PPP3CA: variants seen among roughly 807,000 people sequenced by gnomAD.
PPP3CA encodes the protein protein phosphatase 3 catalytic subunit alpha.
PPP3CA carries 14 observed loss-of-function variants against 66.5 expected under a neutral mutation model. The observed-to-expected ratio is 0.21, with a 90% CI of 0.14 to 0.33. PPP3CA has a LOEUF of 0.33. Ranked by LOEUF, PPP3CA falls within the 10% of genes least tolerant of loss-of-function variation. The pLI is 1.00. For missense variants in PPP3CA, 317 were observed against 639.5 expected, an observed-to-expected ratio of 0.50 and a Z score of 5.44; for synonymous variants, 232 against 226.2, an observed-to-expected ratio of 1.03 and a Z score of -0.23.
intron 6 of PPP3CA, among the ~76,000 whole-genome samples, chr4:101,090,510 C>T (rs1057466133): frequency 1.4e-4 from 21 of 151,466 alleles, no homozygotes; most frequent in African/African-American, 1.9e-4. Flanking sequence ...GGCATGGTGG[C>T]GCATGCCTGT....
intron 2 of PPP3CA, among the ~76,000 whole-genome samples, chr4:101,157,773 T>A (rs1051621381): frequency 6.6e-6 from 1 of 150,940 alleles, no homozygotes; most frequent in Admixed American, 6.6e-5. Context: ...TGAGGTACTC[T>A]AATTCCCTGA....
At chr4:101,329,451 T>C (rs1729310110) in intron 1 of PPP3CA, among the ~76,000 whole-genome samples, 1 of 152,106 alleles carries the variant, frequency 6.6e-6, no homozygotes, top group South Asian at 2.1e-4. Context: ...GCAGCAAATT[T>C]TAATGTAGAA....
chr4:101,291,092 A>G (rs1201279747), intron 1 of PPP3CA, among the ~76,000 whole-genome samples: 1 of 152,154 alleles, frequency 6.6e-6, no homozygotes, highest in Admixed American at 6.5e-5. Flanking sequence ...ACATTATTTG[A>G]TTGTCTGCTG....
At chr4:101,304,889 A>G (rs185454657) in intron 1 of PPP3CA, among the ~76,000 whole-genome samples, 7 of 150,848 alleles carry the variant, frequency 4.6e-5, no homozygotes, top group Admixed American at 2.6e-4. Context: ...ATACGAGACT[A>G]ACTAAACAGG....
At chr4:101,304,000 A>C (rs1728460245) in intron 1 of PPP3CA, among the ~76,000 whole-genome samples, 1 of 152,118 alleles carries the variant, frequency 6.6e-6, no homozygotes, top group African/African-American at 2.4e-5. Flanking sequence ...CGCCCTGTAC[A>C]TATTAGTTAA....
At chr4:101,227,679 A>G (rs1578572498) in intron 1 of PPP3CA, among the ~76,000 whole-genome samples, 1 of 151,578 alleles carries the variant, frequency 6.6e-6, no homozygotes, top group Admixed American at 6.6e-5. Context: ...GGTAATAAGC[A>G]CAGTACCCAA....
chr4:101,347,347 C>T lies in PPP3CA; in HGVS notation c.-551G>A, dbSNP rs990348600. On this transcript the variant is annotated 5_prime_UTR_variant, in exon 1 of 14. Coordinates refer to ENST00000394854, the MANE Select transcript of PPP3CA (RefSeq NM_000944.5). The stretch of plus-strand genomic sequence containing the variant: ...GCTGCTGCCGCTGCTGCTGCCGCTG[C>T]CGCTGTTGCTGCTGCCGCTGCCCCT... 4.9e-6 allele frequency: 1 copy of T among 203,422 alleles called. No individual in the cohort carries two copies. Among genetic ancestry groups the T allele is most frequent in the South Asian group, 6.9e-5 (1 of 14,516 alleles). The allele number at this position is 203,422 out of a possible 1,614,324, so 12.6% of individuals were successfully genotyped here. A position where few individuals can be genotyped will look rare whatever the true frequency, so the allele number is the denominator to read the frequency against.
chr4:101,121,333 A>C (rs1411059360), intron 2 of PPP3CA, among the ~76,000 whole-genome samples: 1 of 152,134 alleles, frequency 6.6e-6, no homozygotes, highest in East Asian at 1.9e-4. Flanking sequence ...ATTACCTTAT[A>C]AACATTACTT....
chr4:101,209,830 G>C (rs538329823), intron 1 of PPP3CA, among the ~76,000 whole-genome samples: 1 of 152,214 alleles, frequency 6.6e-6, no homozygotes, highest in Non-Finnish European at 1.5e-5. Context: ...GATTTTGTTA[G>C]TGACTGATGA....
chr4:101,146,606 C>T (rs1254838627), intron 2 of PPP3CA, among the ~76,000 whole-genome samples: 2 of 152,108 alleles, frequency 1.3e-5, no homozygotes, highest in Non-Finnish European at 2.9e-5. Context: ...CCACGCCAGG[C>T]TAATTTTTGT....
intron 1 of PPP3CA, among the ~76,000 whole-genome samples, chr4:101,283,735 T>C (rs946846313): frequency 6.6e-6 from 1 of 152,034 alleles, no homozygotes. Flanking sequence ...GACAATCAGA[T>C]TTTCTCTCCC....
chr4:101,078,776 C>A (rs1729297226), intron 8 of PPP3CA, among the ~76,000 whole-genome samples: 1 of 152,090 alleles, frequency 6.6e-6, no homozygotes, highest in South Asian at 2.1e-4. Context: ...TTTCAAAATT[C>A]TAGGTGACAT....
At chr4:101,133,820 G>A (rs1722527116) in intron 2 of PPP3CA, among the ~76,000 whole-genome samples, 1 of 152,112 alleles carries the variant, frequency 6.6e-6, no homozygotes, top group Non-Finnish European at 1.5e-5. Flanking sequence ...AAAGCTGGAG[G>A]CATCAAGCTA....
chr4:101,307,088 T>C (rs1167281064), intron 1 of PPP3CA, among the ~76,000 whole-genome samples: 1 of 148,796 alleles, frequency 6.7e-6, no homozygotes, highest in African/African-American at 2.5e-5. Flanking sequence ...TAATTTTTCC[T>C]AGCAAAAACA....
chr4:101,315,645 C>T (rs1193904289), intron 1 of PPP3CA, among the ~76,000 whole-genome samples: 1 of 152,156 alleles, frequency 6.6e-6, no homozygotes, highest in Non-Finnish European at 1.5e-5. Context: ...ATATGACAAA[C>T]CCAAAATAAC....
rs114858506 is a variant in PPP3CA, at chr4:101,107,751, T to G, written c.384+1203A>C. Among the ~76,000 whole-genome samples the G allele has an allele frequency of 7.1e-3, 1,077 of 152,322 alleles. 10 individuals are homozygous for G. The highest frequency in any genetic ancestry group is 0.025 in the African/African-American group (1,019 of 41,576). Reference sequence around the variant, plus strand: ...ATGACATGCTTTTCAACCTTAAATATCCCTTTAGCAAATAAAACACTGAAA... The same window carrying G: ...ATGACATGCTTTTCAACCTTAAATAGCCCTTTAGCAAATAAAACACTGAAA... On this transcript the variant is annotated intron_variant, in intron 3 of 13. Transcript: ENST00000394854.
At chr4:101,311,681 C>G (rs532073893) in intron 1 of PPP3CA, among the ~76,000 whole-genome samples, 14 of 152,014 alleles carry the variant, frequency 9.2e-5, no homozygotes, top group Non-Finnish European at 1.8e-4. Flanking sequence ...TCGGGAGGCT[C>G]AGGCAGGAGA....
At chr4:101,044,885 T>C (rs910756772) in intron 10 of PPP3CA, among the ~76,000 whole-genome samples, 5 of 152,204 alleles carry the variant, frequency 3.3e-5, no homozygotes, top group Non-Finnish European at 5.9e-5. Context: ...TAAGTGACTG[T>C]TGCAACGCCA....
chr4:101,080,391 C>A (rs1453768837), intron 8 of PPP3CA, 141 bp downstream of exon 8: 1 of 380,496 alleles, frequency 2.6e-6, no homozygotes, highest in Non-Finnish European at 4.6e-6. Flanking sequence ...AGGATAATCA[C>A]AAAGTATGCA....
Sources: allele counts gnomAD v4.1 joint callset (sites outside exome capture counted in the v4.1 genomes callset), GRCh38; gene constraint gnomAD v4.1.1; transcripts MANE v1.5; gene names NCBI Gene and HGNC (gene_info 2026-07-23, HGNC 2026-07-21).